The following GRIP1 variants were observed in gnomAD, a reference collection of about 807,000 sequenced individuals.
GRIP1 encodes the protein glutamate receptor-interacting protein 1.
In GRIP1, 45 loss-of-function variants were observed where a neutral mutation model predicts 129.9. The ratio of observed to expected loss-of-function variants is 0.35; its 90% CI spans 0.27 to 0.44. The LOEUF is 0.44. Ranked by LOEUF, GRIP1 falls within the 20% of genes least tolerant of loss-of-function variation. The pLI is 1.00. For synonymous variants in GRIP1, 530 were observed against 520.8 expected (o/e 1.02, Z -0.24); for missense variants, 1,196 against 1,396.8 (o/e 0.86, Z 2.29).
intron 16 of GRIP1, among the ~76,000 whole-genome samples, chr12:66,403,818 A>G (rs1017086963): frequency 1.3e-5 from 2 of 152,258 alleles, no homozygotes; most frequent in Non-Finnish European, 2.9e-5. Flanking sequence ...AACTGAAAAT[A>G]AGATCTAGCT....
At chr12:66,721,885 T>C (rs2036068813) in intron 1 of GRIP1, among the ~76,000 whole-genome samples, 1 of 152,112 alleles carries the variant, frequency 6.6e-6, no homozygotes, top group African/African-American at 2.4e-5. Context: ...TCCTTAAATC[T>C]CATGAACCAA....
Position 66,761,740 on chromosome 12 carries a change from G to A in GRIP1, c.-420+42313C>T, listed in dbSNP as rs531891951. ...GTAGAAGCTTCAACACAGCAGTCTC[G>A]AGGACTTATGGTGTTAATAAGCTGG... On this transcript the variant is annotated intron_variant, in intron 1 of 4. Transcript: ENST00000538373. 5.3e-5 allele frequency among the ~76,000 whole-genome samples: 8 copies of A among 152,284 alleles called. No individual in the cohort carries two copies. The South Asian group carries it at 6.2e-4, about 12-fold the overall frequency.
chr12:66,473,422 T>C (rs1197373609), intron 7 of GRIP1, among the ~76,000 whole-genome samples: 1 of 152,220 alleles, frequency 6.6e-6, no homozygotes, highest in Admixed American at 6.5e-5. Context: ...TAAATGTTCC[T>C]GCCTGCTGGC....
intron 1 of GRIP1, among the ~76,000 whole-genome samples, chr12:67,001,362 G>A (rs1304818704): frequency 1.3e-5 from 2 of 152,116 alleles, no homozygotes; most frequent in Non-Finnish European, 2.9e-5. Context: ...CAGGATCCAT[G>A]CACAATCACT....
intron 1 of GRIP1, among the ~76,000 whole-genome samples, chr12:66,895,035 A>G (rs1315397200): frequency 6.6e-6 from 1 of 151,994 alleles, no homozygotes; most frequent in African/African-American, 2.4e-5. Context: ...GGAACCCCCA[A>G]TGTGCCAGAT....
chr12:66,857,098 T>C (rs986338666), intron 1 of GRIP1, among the ~76,000 whole-genome samples: 3 of 151,926 alleles, frequency 2.0e-5, no homozygotes, highest in African/African-American at 7.3e-5. Flanking sequence ...CTGGAAACCA[T>C]CATTCTCAGC....
At chr12:66,412,880 A>C (rs1033597801) in intron 15 of GRIP1, among the ~76,000 whole-genome samples, 2 of 152,188 alleles carry the variant, frequency 1.3e-5, no homozygotes, top group African/African-American at 4.8e-5. Flanking sequence ...AGATAGAAAA[A>C]AAATGTTAAA....
In GRIP1 at chr12:66,979,759, G is replaced by A. The variant is rs528357896; in HGVS notation, c.58+89291C>T. Reference sequence around the variant, plus strand: ...TCCTTAAAAAAGGAAAATGACATACGAAAAGACACACAGGGAGAATGCCAT... The same window carrying A: ...TCCTTAAAAAAGGAAAATGACATACAAAAAGACACACAGGGAGAATGCCAT... On this transcript the variant is annotated intron_variant, in intron 1 of 1. Coordinates refer to the GRIP1 transcript ENST00000643019. Among the ~76,000 whole-genome samples the A allele has an allele frequency of 7.2e-5, 11 of 152,234 alleles. 1 individual carries two copies. The South Asian group carries it at 1.2e-3, about 17-fold the overall frequency.
At chr12:66,435,208 T>TTG (rs958053638) in intron 13 of GRIP1, among the ~76,000 whole-genome samples, 7 of 151,414 alleles carry the variant, frequency 4.6e-5, no homozygotes, top group African/African-American at 1.7e-4. Flanking sequence ...GACCATTTTT[T>TTG]TTTTTTTTTT....
intron 1 of GRIP1, among the ~76,000 whole-genome samples, chr12:66,951,804 T>G (rs1241452749): frequency 6.6e-6 from 1 of 152,092 alleles, no homozygotes. Flanking sequence ...GGCGACTGGA[T>G]AGACTTGAAA....
chr12:66,363,618 A>AT (rs1051848963), intron 23 of GRIP1, among the ~76,000 whole-genome samples: 4 of 151,886 alleles, frequency 2.6e-5, no homozygotes, highest in Non-Finnish European at 5.9e-5. Context: ...TTAAATAAAC[A>AT]TTTTTTGACA....
At chr12:66,357,020 G>A (rs1248355208) in intron 23 of GRIP1, among the ~76,000 whole-genome samples, 1 of 152,060 alleles carries the variant, frequency 6.6e-6, no homozygotes, top group Non-Finnish European at 1.5e-5. Flanking sequence ...GGGATTACAG[G>A]CATGAGCCAC....
In GRIP1 at chr12:66,572,030, T is replaced by TA. The variant is rs1282165326; in HGVS notation, c.136+24816dup. 2.0e-5 allele frequency among the ~76,000 whole-genome samples: 3 copies of TA among 152,188 alleles called. No homozygotes were observed. The Middle Eastern group carries it at 0.01, about 518-fold the overall frequency. ...ATGTTTTAAATCAACTTCTCAGGCC[T>TA]AAAAAAACCCCACACTTCTGGATTC... On this transcript the variant is annotated intron_variant, in intron 2 of 24. Transcript: ENST00000359742.
intron 7 of GRIP1, among the ~76,000 whole-genome samples, chr12:66,486,070 T>C (rs2059946789): frequency 6.6e-6 from 1 of 152,104 alleles, no homozygotes; most frequent in African/African-American, 2.4e-5. Context: ...TTCTTTATTG[T>C]TCTTTAAGAC....
intron 22 of GRIP1, among the ~76,000 whole-genome samples, chr12:66,373,088 ATTTAT>A (rs1296806947): frequency 6.6e-6 from 1 of 151,806 alleles, no homozygotes; most frequent in African/African-American, 2.4e-5. Flanking sequence ...TTATTTATTT[ATTTAT>A]TTATTTTCTT....
At chr12:66,951,088 C>G (rs766826114) in intron 1 of GRIP1, among the ~76,000 whole-genome samples, 5 of 152,120 alleles carry the variant, frequency 3.3e-5, no homozygotes, top group Non-Finnish European at 5.9e-5. Flanking sequence ...TTCCCACTGT[C>G]AAAGAGCTTA....
intron 1 of GRIP1, among the ~76,000 whole-genome samples, chr12:66,862,747 C>A (rs2040134700): frequency 6.6e-6 from 1 of 151,948 alleles, no homozygotes; most frequent in Non-Finnish European, 1.5e-5. Flanking sequence ...GGATGAATCC[C>A]ATCTATAAAT....
chr12:66,930,432 G>C (rs1169524727), intron 1 of GRIP1, among the ~76,000 whole-genome samples: 1 of 150,898 alleles, frequency 6.6e-6, no homozygotes, highest in African/African-American at 2.4e-5. Context: ...CAAAGGACAT[G>C]AACTCATCAT....
At chr12:66,456,103 C>A in intron 10 of GRIP1, 84 bp downstream of exon 10, 3 of 809,142 alleles carry the variant, frequency 3.7e-6, no homozygotes, top group Non-Finnish European at 5.4e-6. Flanking sequence ...AAACAACATC[C>A]ATGAAGCCAA....
Sources: allele counts gnomAD v4.1 joint callset (sites outside exome capture counted in the v4.1 genomes callset), GRCh38; gene constraint gnomAD v4.1.1; transcripts MANE v1.5; gene names NCBI Gene and HGNC (gene_info 2026-07-23, HGNC 2026-07-21).